ZNF680: variants seen among roughly 807,000 people sequenced by gnomAD.
ZNF680 encodes the protein zinc finger protein 680, also known as hypothetical protein FLJ90430.
Under a neutral mutation model 12.1 loss-of-function variants are expected in ZNF680, and 6 were observed. The observed-to-expected ratio is 0.49, with a 90% CI of 0.27 to 0.98. The LOEUF (loss-of-function observed/expected upper bound fraction) is 0.98, where lower values mean the gene tolerates loss of function less well. ZNF680 is among the 50% of genes least tolerant of loss of function. The pLI is 0.12. For missense variants in ZNF680, 561 were observed against 616.3 expected (o/e 0.91, Z 0.95); for synonymous variants, 170 against 199.3 (o/e 0.85, Z 1.24).
At chr7:64,536,732 C>A (rs1389069961) in intron 3 of ZNF680, among the ~76,000 whole-genome samples, 1 of 152,216 alleles carries the variant, frequency 6.6e-6, no homozygotes, top group Admixed American at 6.5e-5. Context: ...TTCTTATTTG[C>A]ACCTAGTGTA....
intron 1 of ZNF680, among the ~76,000 whole-genome samples, chr7:64,550,158 G>A (rs780544864): frequency 3.9e-5 from 6 of 152,100 alleles, no homozygotes; most frequent in Non-Finnish European, 7.4e-5. Flanking sequence ...GACAGAGAGT[G>A]GACTGATACA....
chr7:64,532,565 A>G (rs1444103655), intron 3 of ZNF680, among the ~76,000 whole-genome samples: 1 of 152,142 alleles, frequency 6.6e-6, no homozygotes, highest in Non-Finnish European at 1.5e-5. Context: ...CCAAGACCAG[A>G]CAGATTCACA....
At chr7:64,501,586 A>T in the ZNF680 span, 1 of 752,818 alleles carries the variant, frequency 1.3e-6, no homozygotes. Context: ...GGGGGCGCAG[A>T]TGACTCTGCT....
At chr7:64,510,232 A>T in the ZNF680 span, among the ~76,000 whole-genome samples, 1 of 90,050 alleles carries the variant, frequency 1.1e-5, no homozygotes, top group South Asian at 4.0e-4. Context: ...ACGTAATAAA[A>T]AAAAAAAAAA....
the ZNF680 span, chr7:64,501,698 G>A: frequency 9.4e-7 from 1 of 1,060,550 alleles, no homozygotes; most frequent in Non-Finnish European, 1.5e-6. Flanking sequence ...GAGGATGACA[G>A]AGACAGCGCC....
chr7:64,554,252 T>G (rs1787268644), intron 1 of ZNF680, among the ~76,000 whole-genome samples: 2 of 146,726 alleles, frequency 1.4e-5, no homozygotes, highest in African/African-American at 2.6e-5. Context: ...GTCTGGGAAC[T>G]GAGGAGTGTC....
intron 3 of ZNF680, among the ~76,000 whole-genome samples, chr7:64,536,326 G>A (rs1786166392): frequency 1.3e-5 from 2 of 152,252 alleles, no homozygotes; most frequent in African/African-American, 4.8e-5. Flanking sequence ...CTCACACTTT[G>A]GCAGACTGTA....
intron 3 of ZNF680, among the ~76,000 whole-genome samples, chr7:64,542,414 G>A (rs1029502868): frequency 6.6e-6 from 1 of 152,022 alleles, no homozygotes; most frequent in African/African-American, 2.4e-5. Flanking sequence ...TGAAATTGAA[G>A]ACAAATGAGT....
At chr7:64,554,288 G>A (rs1267465818) in intron 1 of ZNF680, among the ~76,000 whole-genome samples, 1 of 152,052 alleles carries the variant, frequency 6.6e-6, no homozygotes, top group Non-Finnish European at 1.5e-5. Context: ...ACCCGTCTGG[G>A]AAGTGAGGAG....
In ZNF680 at chr7:64,544,424, C is replaced by G. The variant is rs567281446; in HGVS notation, c.39G>C (p.Leu13=). Residue 13 remains leucine (L), a synonymous_variant, in exon 2 of 4, where the codon CTG becomes CTC. Coordinates refer to ENST00000309683, the MANE Select transcript of ZNF680 (RefSeq NM_178558.5). ...ATTCTATGGCCACATCCCTAAATGT[C>G]AGTGGTCCCTGAAAAACACACACAC... ...GPPGSLEMGP[L]TFRDVAIEFS... is the part of the protein sequence containing the mutation. The G allele has an allele frequency of 6.3e-6, 10 of 1,593,242 alleles. No individual in the cohort carries two copies. The South Asian group carries it at 1.1e-4, about 18-fold the overall frequency.
intron 2 of ZNF680, 81 bp downstream of exon 2, chr7:64,544,225 C>G: frequency 6.6e-7 from 1 of 1,517,730 alleles, no homozygotes; most frequent in East Asian, 2.4e-5. Context: ...ATGCAAAGCA[C>G]AAATTACCAC....
chr7:64,508,063 AAATT>A, the ZNF680 span, among the ~76,000 whole-genome samples: 2 of 148,790 alleles, frequency 1.3e-5, no homozygotes, highest in African/African-American at 5.0e-5. Flanking sequence ...ATGTCTAAGT[AAATT>A]ATTTCCTTCA....
Position 64,522,399 on chromosome 7 carries a change from T to G in ZNF680, c.355A>C (p.Asn119His). Residue 119 changes from asparagine to histidine, a missense_variant, in exon 4 of 4, where the codon AAT (asparagine) becomes CAT (histidine). Physicochemically the swap from Asn to His is moderately conservative, Grantham distance 68. Coordinates refer to ENST00000309683, the MANE Select transcript of ZNF680 (RefSeq NM_178558.5). ...TTACAACTTATTCTTAATTGTAAAT[T>G]CTCATGTCCACATTTTCCATATCCT... ...LRGYGKCGHE[N>H]LQLRISCKSV... The G allele has an allele frequency of 6.2e-7, 1 of 1,611,948 alleles. No individual in the cohort carries two copies. Among genetic ancestry groups the G allele is most frequent in the Non-Finnish European group, 8.5e-7 (1 of 1,179,018 alleles).
At chr7:64,546,640 G>A (rs1786801455) in intron 1 of ZNF680, among the ~76,000 whole-genome samples, 1 of 152,194 alleles carries the variant, frequency 6.6e-6, no homozygotes, top group Non-Finnish European at 1.5e-5. Flanking sequence ...CTATTCAGGA[G>A]GCAGAGGCAG....
chr7:64,504,609 T>C, the ZNF680 span, among the ~76,000 whole-genome samples: 2 of 152,184 alleles, frequency 1.3e-5, no homozygotes, highest in African/African-American at 2.4e-5. Context: ...GTATTAACCA[T>C]GTTCACAGTA....
the ZNF680 span, among the ~76,000 whole-genome samples, chr7:64,507,747 C>A: frequency 2.0e-5 from 3 of 150,600 alleles, no homozygotes; most frequent in Non-Finnish European, 4.4e-5. Context: ...TAATACTTTT[C>A]TTAGAAAAAA....
chr7:64,554,406 G>C (rs1787283343), intron 1 of ZNF680, among the ~76,000 whole-genome samples: 1 of 151,700 alleles, frequency 6.6e-6, no homozygotes, highest in Non-Finnish European at 1.5e-5. Flanking sequence ...GCCCCGTCCA[G>C]GAGGTGGGGG....
chr7:64,548,170 A>C (rs1786880742), intron 1 of ZNF680, among the ~76,000 whole-genome samples: 1 of 152,270 alleles, frequency 6.6e-6, no homozygotes, highest in African/African-American at 2.4e-5. Context: ...CTGCCATGTC[A>C]ATTTTATAAT....
chr7:64,520,827 GTGTTA>G lies in ZNF680; in HGVS notation c.*329_*333del. The G allele has an allele frequency of 4.9e-6, 1 of 202,654 alleles. No homozygotes were observed. Among genetic ancestry groups the G allele is most frequent in the South Asian group, 9.2e-5 (1 of 10,814 alleles). The allele number at this position is 202,654 out of a possible 1,614,324, so 12.6% of individuals were successfully genotyped here. A position where few individuals can be genotyped will look rare whatever the true frequency, so the allele number is the denominator to read the frequency against. On this transcript the variant is annotated 3_prime_UTR_variant, in exon 4 of 4. Transcript: ENST00000309683. ...AATAAACACGCTTCTTCACTTTAAA[GTGTTA>G]TGTTTTCTGAAATTTCTTTTGACAG... is the stretch of plus-strand genomic sequence containing the variant.
Sources: allele counts gnomAD v4.1 joint callset (sites outside exome capture counted in the v4.1 genomes callset), GRCh38; gene constraint gnomAD v4.1.1; transcripts MANE v1.5; gene names NCBI Gene and HGNC (gene_info 2026-07-23, HGNC 2026-07-21).